The following CDC14A variants were observed in gnomAD, a reference collection of about 807,000 sequenced individuals.
CDC14A encodes cell division cycle 14A.
CDC14A carries 53 observed loss-of-function variants against 74.4 expected under a neutral mutation model. The observed-to-expected ratio is 0.71, with a 90% confidence interval of 0.57 to 0.89. CDC14A has a LOEUF of 0.89. CDC14A is among the 40% of genes least tolerant of loss of function. The probability of loss-of-function intolerance (pLI) is 0.00; values close to 1 mark genes in which losing one functional copy is unlikely to be tolerated. For synonymous variants in CDC14A, 247 were observed against 258.4 expected (o/e 0.96, Z 0.43); for missense variants, 646 against 713.7 (o/e 0.91, Z 1.08).
At chr1:100,405,758 T>G (rs763494502) in intron 4 of CDC14A, among the ~76,000 whole-genome samples, 1 of 152,334 alleles carries the variant, frequency 6.6e-6, no homozygotes, top group Non-Finnish European at 1.5e-5. Flanking sequence ...ATGTACCACA[T>G]TTTCTTTATC....
At chr1:100,373,727 A>G (rs1304325484) in intron 2 of CDC14A, among the ~76,000 whole-genome samples, 1 of 152,336 alleles carries the variant, frequency 6.6e-6, no homozygotes, top group African/African-American at 2.4e-5. Flanking sequence ...TACATTTACA[A>G]TACAACACCA....
intron 3 of CDC14A, among the ~76,000 whole-genome samples, chr1:100,385,734 A>G (rs1656756055): frequency 6.6e-6 from 1 of 152,160 alleles, no homozygotes; most frequent in South Asian, 2.1e-4. Context: ...CAGGACCCCT[A>G]GTCTGGGAGA....
chr1:100,419,395 G>C (rs1571138870), intron 4 of CDC14A, among the ~76,000 whole-genome samples: 1 of 152,226 alleles, frequency 6.6e-6, no homozygotes, highest in Non-Finnish European at 1.5e-5. Context: ...CAAGCCAAGT[G>C]AGTGCTCTGC....
chr1:100,386,245 G>A (rs896161416), intron 3 of CDC14A, among the ~76,000 whole-genome samples: 31 of 152,148 alleles, frequency 2.0e-4, no homozygotes, highest in African/African-American at 7.0e-4. Flanking sequence ...GCTGGCTGCA[G>A]ATTGTGATTT....
chr1:100,379,061 T>A (rs985969470), intron 3 of CDC14A, among the ~76,000 whole-genome samples: 4 of 152,192 alleles, frequency 2.6e-5, no homozygotes, highest in Non-Finnish European at 5.9e-5. Flanking sequence ...GTCATTAGTA[T>A]GTAGTTGGTA....
chr1:100,392,855 G>A (rs111684681), intron 4 of CDC14A, among the ~76,000 whole-genome samples: 2 of 152,102 alleles, frequency 1.3e-5, no homozygotes, highest in African/African-American at 4.8e-5. Flanking sequence ...CACCAAGCTA[G>A]ACATTTTAAT....
intron 15 of CDC14A, chr1:100,504,946 A>G: frequency 6.6e-7 from 1 of 1,519,964 alleles, no homozygotes; most frequent in Non-Finnish European, 8.8e-7. Flanking sequence ...CAGTAAGTGG[A>G]ATCCACCCTA....
At chr1:100,459,126 C>CACAGAGAG (rs1279905046) in intron 8 of CDC14A, among the ~76,000 whole-genome samples, 24 of 144,576 alleles carry the variant, frequency 1.7e-4, no homozygotes, top group African/African-American at 6.0e-4. Flanking sequence ...CACACACACA[C>CACAGAGAG]AGAGAGAGAG....
intron 2 of CDC14A, among the ~76,000 whole-genome samples, chr1:100,369,743 T>C (rs1234660551): frequency 6.6e-6 from 1 of 152,158 alleles, no homozygotes; most frequent in Non-Finnish European, 1.5e-5. Flanking sequence ...GTCCCACTTG[T>C]CAATGTTTGC....
rs147745230 is a variant in CDC14A at position 100,450,763 on chromosome 1, T to C, written c.520-4642T>C. On this transcript the variant is annotated intron_variant, in intron 7 of 15. Coordinates refer to ENST00000336454, the MANE Select transcript of CDC14A (RefSeq NM_003672.4). ...TTACCCTGACCTAAACAATTCCCCA[T>C]GGCTTTTTTTTCTTCCTCTTTAATG... Among the ~76,000 whole-genome samples, 548 of 152,296 alleles carry C rather than the reference T, an allele frequency of 3.6e-3. 10 individuals are homozygous for C. Among genetic ancestry groups the C allele is most frequent in the Non-Finnish European group, 2.7e-3 (183 of 68,012 alleles).
chr1:100,373,067 C>G (rs986433915), intron 2 of CDC14A, among the ~76,000 whole-genome samples: 3 of 152,206 alleles, frequency 2.0e-5, no homozygotes, highest in Admixed American at 6.5e-5. Context: ...CTGTTTGGAG[C>G]AAGAGGCCTA....
chr1:100,461,318 A>T (rs1667292044), intron 8 of CDC14A, among the ~76,000 whole-genome samples: 1 of 152,226 alleles, frequency 6.6e-6, no homozygotes. Flanking sequence ...TATGGACTCC[A>T]GCCCCAGTGT....
intron 4 of CDC14A, among the ~76,000 whole-genome samples, chr1:100,398,054 G>A (rs372952703): frequency 6.6e-6 from 1 of 152,154 alleles, no homozygotes; most frequent in Admixed American, 6.5e-5. Flanking sequence ...ATTGTTAGTT[G>A]TATGCCCTGA....
chr1:100,394,032 G>T, intron 4 of CDC14A: 1 of 257,838 alleles, frequency 3.9e-6, no homozygotes, highest in South Asian at 4.4e-5. Flanking sequence ...GCCATTCTGG[G>T]GACCTCAGGT....
At chr1:100,371,849 G>C (rs1191451401) in intron 2 of CDC14A, among the ~76,000 whole-genome samples, 2 of 152,132 alleles carry the variant, frequency 1.3e-5, no homozygotes, top group Non-Finnish European at 2.9e-5. Context: ...AGTTATATTA[G>C]TCAAAAGTGT....
At chr1:100,494,736 A>G (rs1339679116) in intron 11 of CDC14A, 82 bp from the exon 12 acceptor site, 9 of 671,344 alleles carry the variant, frequency 1.3e-5, no homozygotes, top group Non-Finnish European at 1.9e-5. Context: ...TCTGTATAAA[A>G]TGTATCTATA....
At chr1:100,448,094 A>G (rs191298600) in intron 7 of CDC14A, among the ~76,000 whole-genome samples, 2 of 152,196 alleles carry the variant, frequency 1.3e-5, no homozygotes, top group African/African-American at 2.4e-5. Flanking sequence ...CAGTGGCAAC[A>G]TCGGAGGTTC....
intron 14 of CDC14A, 128 bp downstream of exon 14, chr1:100,498,335 T>C: frequency 9.8e-7 from 1 of 1,020,232 alleles, no homozygotes. Context: ...CGGAAGACCC[T>C]GTGATGTTCT....
intron 4 of CDC14A, among the ~76,000 whole-genome samples, chr1:100,399,809 A>C (rs1162579278): frequency 6.6e-6 from 1 of 151,770 alleles, no homozygotes; most frequent in Non-Finnish European, 1.5e-5. Context: ...TTGAGGTTGC[A>C]GTGAGCTGTG....
Sources: gnomAD v4.1 joint callset for allele counts (sites outside exome capture counted in the v4.1 genomes callset) on GRCh38, gnomAD v4.1.1 for gene constraint, MANE v1.5 for transcripts, NCBI Gene and HGNC (gene_info 2026-07-23, HGNC 2026-07-21) for gene names.